Variants in CNST observed in about 807,000 individuals in gnomAD.
CNST encodes the protein consortin.
Under a neutral mutation model 72.4 loss-of-function variants are expected in CNST, and 39 were observed. The ratio of observed to expected loss-of-function variants is 0.54; its 90% CI spans 0.42 to 0.70. The LOEUF is 0.70. Ranked by LOEUF, CNST falls within the 30% of genes least tolerant of loss-of-function variation. The pLI is 0.00. For missense variants in CNST, 871 were observed against 868.5 expected, an observed-to-expected ratio of 1.00 and a Z score of -0.04; for synonymous variants, 332 against 320.1, an observed-to-expected ratio of 1.04 and a Z score of -0.40.
At chr1:246,602,989 C>G (rs1444568004) in intron 2 of CNST, among the ~76,000 whole-genome samples, 1 of 151,880 alleles carries the variant, frequency 6.6e-6, no homozygotes, top group African/African-American at 2.4e-5. Flanking sequence ...TCAATCAAAC[C>G]TTTCAAATTC....
At chr1:246,586,898 A>G (rs2103019795) in intron 1 of CNST, among the ~76,000 whole-genome samples, 1 of 152,330 alleles carries the variant, frequency 6.6e-6, no homozygotes, top group South Asian at 2.1e-4. Context: ...CTGGTTTTTA[A>G]AAGTAATTTA....
chr1:246,574,598 T>C (rs529675439), intron 1 of CNST, among the ~76,000 whole-genome samples: 37 of 152,040 alleles, frequency 2.4e-4, no homozygotes, highest in Non-Finnish European at 5.0e-4. Context: ...TTTTTTAACT[T>C]TTTGCAGAGA....
Position 246,634,565 on chromosome 1 carries a change from A to G in CNST, c.796A>G (p.Lys266Glu), listed in dbSNP as rs2103102813. The change falls in exon 6 of 11, where the codon AAA (lysine) becomes GAA (glutamate). Residue 266 changes from lysine (K) to glutamate (E), a missense_variant. Physicochemically the swap from Lys to Glu is moderately conservative, Grantham distance 56 (BLOSUM62 1). Transcript: ENST00000366513. ...TGGTGAAGATTTTGAACGGCTTACG[A>G]AAATTTGTGCAACACATCAAGAGTA... ...FNGEDFERLT[K>E]ICATHQDPLL... 6.2e-7 allele frequency: 1 copy of G among 1,604,732 alleles called. No individual in the cohort carries two copies. The highest frequency in any genetic ancestry group is 1.7e-4 in the Middle Eastern group (1 of 6,018).
intron 1 of CNST, among the ~76,000 whole-genome samples, chr1:246,582,783 C>T (rs1169672234): frequency 1.3e-5 from 2 of 152,216 alleles, no homozygotes; most frequent in African/African-American, 4.8e-5. Flanking sequence ...GATTACCTCT[C>T]CATGCACCTC....
intron 2 of CNST, among the ~76,000 whole-genome samples, chr1:246,613,894 A>G (rs575096312): frequency 1.3e-5 from 2 of 151,248 alleles, no homozygotes; most frequent in African/African-American, 4.9e-5. Context: ...AGGTTTCACC[A>G]TGTTGGCCAG....
At chr1:246,616,854 A>G (rs1231551892) in intron 2 of CNST, among the ~76,000 whole-genome samples, 3 of 151,928 alleles carry the variant, frequency 2.0e-5, no homozygotes, top group African/African-American at 4.8e-5. Flanking sequence ...CGCCCGGCCA[A>G]TACTTTTTTT....
chr1:246,568,642 C>T (rs754070187), intron 1 of CNST, among the ~76,000 whole-genome samples: 3 of 152,200 alleles, frequency 2.0e-5, no homozygotes, highest in East Asian at 1.9e-4. Flanking sequence ...CTGGTGCCAT[C>T]TCGGTTCACT....
chr1:246,662,373 A>G (rs975934485), intron 10 of CNST, among the ~76,000 whole-genome samples: 1 of 152,104 alleles, frequency 6.6e-6, no homozygotes, highest in Non-Finnish European at 1.5e-5. Context: ...AACAGGTGAG[A>G]TGAATTTTAT....
intron 2 of CNST, among the ~76,000 whole-genome samples, chr1:246,597,289 A>T (rs934688151): frequency 2.0e-5 from 3 of 152,224 alleles, no homozygotes; most frequent in Non-Finnish European, 4.4e-5. Flanking sequence ...GGTACAATTT[A>T]GTGGTTTTAG....
At position 246,620,767 on chromosome 1, in the gene CNST, C is replaced by G. The variant is rs530985878; in HGVS notation, c.380-662C>G. On this transcript the variant is annotated intron_variant, in intron 2 of 10. Coordinates refer to ENST00000366513, the MANE Select transcript of CNST (RefSeq NM_152609.3). Reference sequence around the variant, plus strand: ...TACAGGGAGGACAGCTTCAGTCATGCATACACACGATGGGCTCTGGGCACA... The same window carrying G: ...TACAGGGAGGACAGCTTCAGTCATGGATACACACGATGGGCTCTGGGCACA... Among the ~76,000 whole-genome samples, 6 of 147,066 alleles carry G rather than the reference C, an allele frequency of 4.1e-5. 1 individual carries two copies. The East Asian group carries it at 1.3e-3, about 31-fold the overall frequency.
chr1:246,575,708 G>T (rs758112964), intron 1 of CNST, among the ~76,000 whole-genome samples: 1 of 152,082 alleles, frequency 6.6e-6, no homozygotes, highest in South Asian at 2.1e-4. Flanking sequence ...CATTTTAAGT[G>T]GGTGAATTGT....
rs1362138672 is a variant in CNST at position 246,589,317 on chromosome 1, A to G, written c.-51-2195A>G. On this transcript the variant is annotated intron_variant, in intron 1 of 10. Coordinates refer to ENST00000366513, the MANE Select transcript of CNST (RefSeq NM_152609.3). Reference sequence around the variant, plus strand: ...GTGTGATGTTCCCCTTCCTGTGTCCATGTGTTCTCATTGTTCAGTTCCCAC... The same window carrying G: ...GTGTGATGTTCCCCTTCCTGTGTCCGTGTGTTCTCATTGTTCAGTTCCCAC... 3.1e-5 allele frequency among the ~76,000 whole-genome samples: 4 copies of G among 128,080 alleles called. No homozygotes were observed. In the East Asian group the frequency reaches 9.3e-4, roughly 30 times the overall value. 84.0% of individuals were successfully genotyped at this position (128,080 alleles called of 152,430 possible).
chr1:246,667,056 C>G lies in CNST; in HGVS notation c.*1151C>G, dbSNP rs914841241. ...TTGTTTAAATCTGTCCGTTAGGTGG[C>G]CTTTCCTTATCTGAGGTGTAGTGGT... On this transcript the variant is annotated 3_prime_UTR_variant, in exon 11 of 11. Transcript: ENST00000366513. 6.6e-6 allele frequency: 1 copy of G among 151,856 alleles called. No homozygotes were observed. Among genetic ancestry groups the G allele is most frequent in the African/African-American group, 2.4e-5 (1 of 41,334 alleles). The allele number at this position is 151,856 out of a possible 1,614,324, so 9.4% of individuals were successfully genotyped here.
At position 246,653,977 on chromosome 1, in the gene CNST, T is replaced by A. The variant is rs185458561; in HGVS notation, c.1836+5940T>A. ...CTTGTCTGGAAGTATACAGCTTTTTTAAACTCCACAGATTAAACCAACCAC... is the reference window on the plus strand; with the variant it reads ...CTTGTCTGGAAGTATACAGCTTTTTAAAACTCCACAGATTAAACCAACCAC... On this transcript the variant is annotated intron_variant, in intron 9 of 10. Transcript: ENST00000366513. Among the ~76,000 whole-genome samples, 450 of 152,318 alleles carry A rather than the reference T, an allele frequency of 3.0e-3. 2 individuals are homozygous for A. The highest frequency in any genetic ancestry group is 2.7e-3 in the Non-Finnish European group (185 of 68,036).
chr1:246,616,372 G>A (rs1468898155), intron 2 of CNST, among the ~76,000 whole-genome samples: 1 of 151,952 alleles, frequency 6.6e-6, no homozygotes, highest in Admixed American at 6.6e-5. Context: ...AACATAGCAA[G>A]ACACCACCCC....
At chr1:246,620,754 A>G (rs866358479) in intron 2 of CNST, among the ~76,000 whole-genome samples, 4,161 of 125,450 alleles carry the variant, frequency 0.033, 238 homozygotes, top group African/African-American at 0.12. Context: ...CAGGGAGGAC[A>G]GCTTCAGTCA....
Position 246,647,659 on chromosome 1 carries a change from G to A in CNST, c.1458G>A (p.Gln486=). 1 of 1,614,196 alleles carries A rather than the reference G, an allele frequency of 6.2e-7. No individual in the cohort carries two copies. ...LENNELNELQ[Q]PDLTDSDGKS... ...ACAATGAATTAAATGAGCTGCAGCAGCCTGATCTTACAGACAGTGATGGAA... is the reference window on the plus strand; with the variant it reads ...ACAATGAATTAAATGAGCTGCAGCAACCTGATCTTACAGACAGTGATGGAA... The change falls in exon 9 of 11, where the codon CAG becomes CAA. Residue 486 remains glutamine, a synonymous_variant. Transcript: ENST00000366513.
chr1:246,664,906 A>G (rs1667325610), intron 10 of CNST, among the ~76,000 whole-genome samples: 1 of 152,214 alleles, frequency 6.6e-6, no homozygotes, highest in Non-Finnish European at 1.5e-5. Context: ...AATAATTAAG[A>G]TATTTTTCAA....
intron 2 of CNST, among the ~76,000 whole-genome samples, chr1:246,620,118 G>A (rs74749994): frequency 3.7e-5 from 1 of 26,730 alleles, no homozygotes; most frequent in East Asian, 1.1e-3. Context: ...CGGCTTCATC[G>A]TGGTGCATAC....
Sources: allele counts gnomAD v4.1 joint callset (sites outside exome capture counted in the v4.1 genomes callset), GRCh38; gene constraint gnomAD v4.1.1; transcripts MANE v1.5; gene names NCBI Gene and HGNC (gene_info 2026-07-23, HGNC 2026-07-21).